EXOC6B: variants seen among roughly 807,000 people sequenced by gnomAD.
The protein encoded by EXOC6B is exocyst complex component 6B, also known as SEC15 homolog B.
In EXOC6B, 54 loss-of-function variants were observed where a neutral mutation model predicts 113.5. The ratio of observed to expected loss-of-function variants is 0.48; its 90% CI spans 0.38 to 0.60. The LOEUF (loss-of-function observed/expected upper bound fraction) is 0.60. Among genes scored for constraint, EXOC6B ranks in the 20% least tolerant of loss-of-function variants. The pLI is 0.00. For synonymous variants in EXOC6B, 357 were observed against 339.0 expected (o/e 1.05, Z -0.58); for missense variants, 797 against 977.5 (o/e 0.82, Z 2.46).
intron 6 of EXOC6B, among the ~76,000 whole-genome samples, chr2:72,662,883 C>T (rs1235285045): frequency 1.3e-5 from 2 of 152,106 alleles, no homozygotes; most frequent in Non-Finnish European, 2.9e-5. Flanking sequence ...GGATCACAGG[C>T]ATGCTAATTT....
chr2:72,452,420 G>A (rs1369469181), intron 18 of EXOC6B, among the ~76,000 whole-genome samples: 1 of 152,072 alleles, frequency 6.6e-6, no homozygotes. Flanking sequence ...TAATATTTAA[G>A]ATCATATATC....
At chr2:72,443,193 C>T (rs188738207) in intron 18 of EXOC6B, among the ~76,000 whole-genome samples, 23 of 151,668 alleles carry the variant, frequency 1.5e-4, no homozygotes, top group African/African-American at 4.1e-4. Flanking sequence ...GGCGTGGTGG[C>T]GCACCTGTAG....
intron 1 of EXOC6B, among the ~76,000 whole-genome samples, chr2:72,758,396 T>C (rs1682565806): frequency 6.6e-6 from 1 of 151,950 alleles, no homozygotes; most frequent in Non-Finnish European, 1.5e-5. Context: ...ACTGAAAAAG[T>C]AAGCCACTTT....
At chr2:72,768,133 A>AG (rs1683203160) in intron 1 of EXOC6B, among the ~76,000 whole-genome samples, 1 of 151,048 alleles carries the variant, frequency 6.6e-6, no homozygotes, top group African/African-American at 2.4e-5. Context: ...AAAAAAAAAA[A>AG]AAAAAGAAAG....
chr2:72,696,968 A>G (rs1045754351), intron 6 of EXOC6B, among the ~76,000 whole-genome samples: 1 of 152,216 alleles, frequency 6.6e-6, no homozygotes, highest in Non-Finnish European at 1.5e-5. Flanking sequence ...AGAACATACA[A>G]AATTTGAAAT....
At chr2:72,305,802 A>G (rs1686817941) in intron 20 of EXOC6B, among the ~76,000 whole-genome samples, 1 of 152,230 alleles carries the variant, frequency 6.6e-6, no homozygotes, top group Admixed American at 6.5e-5. Flanking sequence ...AATTTTAGAA[A>G]ACTAATGTCT....
chr2:72,233,439 C>T (rs1347418344), intron 20 of EXOC6B, among the ~76,000 whole-genome samples: 1 of 152,098 alleles, frequency 6.6e-6, no homozygotes, highest in Admixed American at 6.6e-5. Flanking sequence ...AAAACCTCTC[C>T]AACATGGGAA....
intron 6 of EXOC6B, among the ~76,000 whole-genome samples, chr2:72,598,237 C>T (rs1670198132): frequency 1.3e-5 from 2 of 151,802 alleles, no homozygotes; most frequent in Non-Finnish European, 2.9e-5. Flanking sequence ...CCCACTCAGA[C>T]CACAACAGAA....
intron 7 of EXOC6B, among the ~76,000 whole-genome samples, chr2:72,565,504 G>A (rs1484420722): frequency 7.9e-5 from 12 of 151,938 alleles, no homozygotes; most frequent in Non-Finnish European, 1.0e-4. Context: ...TAAAAGGTCT[G>A]GGAGGATAAA....
chr2:72,785,747 G>C (rs1684340900), intron 1 of EXOC6B, among the ~76,000 whole-genome samples: 1 of 152,260 alleles, frequency 6.6e-6, no homozygotes, highest in South Asian at 2.1e-4. Flanking sequence ...CTATGGGCCT[G>C]TGATGGGAGG....
intron 8 of EXOC6B, among the ~76,000 whole-genome samples, chr2:72,547,686 C>G (rs1430823372): frequency 6.6e-6 from 1 of 152,128 alleles, no homozygotes; most frequent in Non-Finnish European, 1.5e-5. Flanking sequence ...GCTTAAAGTA[C>G]ATGCAGATCT....
At chr2:72,480,295 T>A (rs920074664) in intron 17 of EXOC6B, among the ~76,000 whole-genome samples, 1 of 152,176 alleles carries the variant, frequency 6.6e-6, no homozygotes, top group Non-Finnish European at 1.5e-5. Flanking sequence ...TAACTATGAT[T>A]ATCTAGACCA....
At chr2:72,451,985 T>A (rs1232957263) in intron 18 of EXOC6B, among the ~76,000 whole-genome samples, 1 of 152,124 alleles carries the variant, frequency 6.6e-6, no homozygotes, top group Non-Finnish European at 1.5e-5. Context: ...CCCCACAACA[T>A]GTACAATATA....
chr2:72,635,488 C>T (rs1672750488), intron 6 of EXOC6B, among the ~76,000 whole-genome samples: 1 of 152,098 alleles, frequency 6.6e-6, no homozygotes, highest in South Asian at 2.1e-4. Context: ...TCAAAAACTA[C>T]AAAGTACCAC....
At chr2:72,480,503 T>A in intron 17 of EXOC6B, 113 bp downstream of exon 17, 1 of 953,898 alleles carries the variant, frequency 1.0e-6, no homozygotes, top group East Asian at 2.9e-5. Context: ...TCATAAACAC[T>A]CATTCTCAAG....
chr2:72,642,794 C>G (rs1311759520), intron 6 of EXOC6B, among the ~76,000 whole-genome samples: 1 of 151,754 alleles, frequency 6.6e-6, no homozygotes, highest in Admixed American at 6.6e-5. Flanking sequence ...AGCTTCTGCA[C>G]AGCAAAAGAA....
chr2:72,629,634 A>G (rs1269094575), intron 6 of EXOC6B, among the ~76,000 whole-genome samples: 3 of 152,220 alleles, frequency 2.0e-5, no homozygotes, highest in Non-Finnish European at 2.9e-5. Context: ...AGACTCATCT[A>G]TCATTGTGCC....
chr2:72,415,707 G>C (rs980718610), intron 18 of EXOC6B, among the ~76,000 whole-genome samples: 13 of 151,992 alleles, frequency 8.6e-5, no homozygotes, highest in African/African-American at 2.7e-4. Flanking sequence ...AGAATAGGCA[G>C]CACAAAGTGA....
chr2:72,510,458 AC>A (rs1423624867), intron 11 of EXOC6B, among the ~76,000 whole-genome samples: 1 of 151,722 alleles, frequency 6.6e-6, no homozygotes, highest in Non-Finnish European at 1.5e-5. Flanking sequence ...TAGAAAAAAA[AC>A]AAAACCAAAA....
Sources: gnomAD v4.1 joint callset for allele counts (sites outside exome capture counted in the v4.1 genomes callset) on GRCh38, gnomAD v4.1.1 for gene constraint, MANE v1.5 for transcripts, NCBI Gene and HGNC (gene_info 2026-07-23, HGNC 2026-07-21) for gene names.